Variants in GARIN1A observed in about 807,000 individuals in gnomAD.
GARIN1A encodes golgi associated RAB2 interactor 1A, also known as Golgi-associated RAB2 interactor protein 1A.
chr7:128,695,131 A>C, the GARIN1A span, among the ~76,000 whole-genome samples: 1 of 152,328 alleles, frequency 6.6e-6, no homozygotes, highest in East Asian at 1.9e-4. The surrounding 1 kb of genome is among the most constrained non-coding windows in gnomAD (Gnocchi z 4.5). Context: ...GGCCAAACCA[A>C]GTCTTTGGTA....
At chr7:128,680,017 A>T in the GARIN1A span, 1 of 1,527,024 alleles carries the variant, frequency 6.5e-7, no homozygotes, top group South Asian at 1.3e-5. Context: ...CTGACGCTAA[A>T]TTTCTCCATC....
At chr7:128,699,346 G>T in the GARIN1A span, among the ~76,000 whole-genome samples, 2 of 137,576 alleles carry the variant, frequency 1.5e-5, no homozygotes, top group East Asian at 4.4e-4. Context: ...ATTTGTTCTT[G>T]TGTAATCTCA....
the GARIN1A span, among the ~76,000 whole-genome samples, chr7:128,699,581 G>A: frequency 2.0e-5 from 3 of 152,122 alleles, no homozygotes; most frequent in African/African-American, 7.2e-5. Flanking sequence ...TATGAATATT[G>A]CTATATGCAA....
At chr7:128,689,241 A>G in the GARIN1A span, among the ~76,000 whole-genome samples, 1 of 152,160 alleles carries the variant, frequency 6.6e-6, no homozygotes, top group Middle Eastern at 3.4e-3. Context: ...GGAAGTGAGA[A>G]GCGTCTCTGC....
chr7:128,699,044 C>G, the GARIN1A span, among the ~76,000 whole-genome samples: 2 of 152,116 alleles, frequency 1.3e-5, no homozygotes. Context: ...GTCCTTATCA[C>G]TATAGTATTC....
At chr7:128,675,745 C>G in the GARIN1A span, 23 of 1,613,702 alleles carry the variant, frequency 1.4e-5, no homozygotes, top group Non-Finnish European at 1.9e-5. Context: ...GTCACCTCCT[C>G]GGTGCCCTCC....
the GARIN1A span, among the ~76,000 whole-genome samples, chr7:128,678,663 G>A: frequency 6.6e-6 from 1 of 152,098 alleles, no homozygotes; most frequent in Admixed American, 6.6e-5. Flanking sequence ...AATTAGCCAG[G>A]CATGGTGGCA....
chr7:128,688,268 C>T, the GARIN1A span, among the ~76,000 whole-genome samples: 2 of 152,174 alleles, frequency 1.3e-5, no homozygotes, highest in African/African-American at 2.4e-5. Context: ...CCTCGGCCTC[C>T]CAAAGTGCTG....
the GARIN1A span, among the ~76,000 whole-genome samples, chr7:128,700,726 G>C: frequency 6.6e-6 from 1 of 152,170 alleles, no homozygotes; most frequent in Non-Finnish European, 1.5e-5. Flanking sequence ...AAATGAGATA[G>C]AAGAAATATT....
At chr7:128,672,147 A>C in the GARIN1A span, 1 of 423,934 alleles carries the variant, frequency 2.4e-6, no homozygotes, top group Non-Finnish European at 4.2e-6. Flanking sequence ...AAAGAGGGAG[A>C]AAAGAGCCTG....
chr7:128,672,399 T>C, the GARIN1A span: 3 of 1,605,812 alleles, frequency 1.9e-6, no homozygotes, highest in Non-Finnish European at 2.6e-6. Context: ...CAAGAACCAA[T>C]GAGTAAAATC....
chr7:128,700,576 G>C, the GARIN1A span, among the ~76,000 whole-genome samples: 3 of 152,078 alleles, frequency 2.0e-5, no homozygotes, highest in African/African-American at 7.2e-5. Context: ...CACGGTGCCC[G>C]GCCTTAGTAA....
chr7:128,705,718 G>A, the GARIN1A span, among the ~76,000 whole-genome samples: 1 of 128,306 alleles, frequency 7.8e-6, no homozygotes, highest in African/African-American at 3.0e-5. Context: ...AGGCTGGGGT[G>A]CAATGGCATG....
chr7:128,687,448 A>G, the GARIN1A span: 1 of 152,270 alleles, frequency 6.6e-6, no homozygotes, highest in African/African-American at 2.4e-5. Flanking sequence ...AGCTCTGTGA[A>G]TTCAGATAGG....
the GARIN1A span, among the ~76,000 whole-genome samples, chr7:128,694,637 C>A: frequency 6.6e-6 from 1 of 152,116 alleles, no homozygotes; most frequent in Non-Finnish European, 1.5e-5. Context: ...TAGGACAATT[C>A]TATAAGGGGT....
At chr7:128,676,019 C>CTTTT in the GARIN1A span, among the ~76,000 whole-genome samples, 1 of 121,562 alleles carries the variant, frequency 8.2e-6, no homozygotes, top group Admixed American at 8.5e-5. Context: ...TATTTAGTAT[C>CTTTT]TTTTTTTTTT....
chr7:128,677,545 A>G, the GARIN1A span: 1 of 1,557,698 alleles, frequency 6.4e-7, no homozygotes. Flanking sequence ...TCCCATGGAA[A>G]TGTCCTGATT....
the GARIN1A span, among the ~76,000 whole-genome samples, chr7:128,697,925 C>T: frequency 6.6e-5 from 10 of 152,272 alleles, no homozygotes; most frequent in Non-Finnish European, 8.8e-5. Context: ...AAATTCAATA[C>T]ACCTTTATGG....
the GARIN1A span, among the ~76,000 whole-genome samples, chr7:128,675,081 G>A: frequency 6.6e-6 from 1 of 152,220 alleles, no homozygotes; most frequent in East Asian, 1.9e-4. Context: ...AGTGAGGTGG[G>A]GGGTGTCTTA....
Sources: gnomAD v4.1 joint callset for allele counts (sites outside exome capture counted in the v4.1 genomes callset) on GRCh38, gnomAD v4.1.1 for gene constraint, Gnocchi (gnomAD v3.1) non-coding constraint, MANE v1.5 for transcripts, NCBI Gene and HGNC (gene_info 2026-07-23, HGNC 2026-07-21) for gene names.